Variants in NKAIN3 observed in about 807,000 individuals in gnomAD.
The protein encoded by NKAIN3 is sodium/potassium transporting ATPase interacting 3.
NKAIN3 carries 25 observed loss-of-function variants against 30.2 expected under a neutral mutation model. The observed-to-expected ratio is 0.83, with a 90% CI of 0.60 to 1.16. The LOEUF is 1.16. NKAIN3 is among the 50% of genes most tolerant of loss of function. The pLI, the probability that NKAIN3 is intolerant of heterozygous loss-of-function variation, is 0.00. For synonymous variants in NKAIN3, 91 were observed against 89.6 expected, an observed-to-expected ratio of 1.02 and a Z score of -0.09; for missense variants, 225 against 254.1, an observed-to-expected ratio of 0.89 and a Z score of 0.78.
intron 1 of NKAIN3, among the ~76,000 whole-genome samples, chr8:62,528,208 A>G (rs1202836732): frequency 6.7e-6 from 1 of 148,844 alleles, no homozygotes; most frequent in Non-Finnish European, 1.5e-5. Flanking sequence ...AAAGATAGGA[A>G]CAATAGGCAC....
chr8:62,301,203 T>C (rs1814037608), intron 1 of NKAIN3, among the ~76,000 whole-genome samples: 1 of 135,106 alleles, frequency 7.4e-6, no homozygotes, highest in South Asian at 2.1e-4. Flanking sequence ...TCACTTGAAG[T>C]AAATAGTGTA....
At chr8:62,297,820 T>C (rs1270041092) in intron 1 of NKAIN3, among the ~76,000 whole-genome samples, 2 of 152,308 alleles carry the variant, frequency 1.3e-5, no homozygotes, top group East Asian at 3.9e-4. Context: ...ATCCCATTAC[T>C]GGGTATATAC....
chr8:62,855,449 G>T, intron 4 of NKAIN3: 1 of 1,195,736 alleles, frequency 8.4e-7, no homozygotes, highest in Non-Finnish European at 1.2e-6. Flanking sequence ...CTTCATCTTG[G>T]GTCTTTTGCT....
intron 1 of NKAIN3, among the ~76,000 whole-genome samples, chr8:62,386,308 G>A (rs1016861153): frequency 6.6e-6 from 1 of 152,102 alleles, no homozygotes; most frequent in Non-Finnish European, 1.5e-5. Context: ...TCTTAGGATT[G>A]TTTTCAAAAC....
rs1824091345 is a variant in NKAIN3, at chr8:62,981,929, C to G, written c.*16522C>G. On this transcript the variant is annotated 3_prime_UTR_variant, in exon 7 of 7. Coordinates refer to ENST00000623646, the MANE Select transcript of NKAIN3 (RefSeq NM_001304533.3). ...CTTAACGATACACAGTTCGAATTAT[C>G]TAAATGAAATAATTTTCAAGCACAT... 6.6e-6 allele frequency: 1 copy of G among 152,038 alleles called. No individual in the cohort carries two copies. The highest frequency in any genetic ancestry group is 1.5e-5 in the Non-Finnish European group (1 of 67,996). The allele number at this position is 152,038 out of a possible 1,614,324, so 9.4% of individuals were successfully genotyped here.
intron 4 of NKAIN3, among the ~76,000 whole-genome samples, chr8:62,753,911 G>A (rs1816366094): frequency 6.6e-6 from 1 of 152,042 alleles, no homozygotes; most frequent in Non-Finnish European, 1.5e-5. Context: ...TCAACTTGAT[G>A]AATAGAAAGT....
chr8:62,839,351 A>G (rs1051741494), intron 4 of NKAIN3, among the ~76,000 whole-genome samples: 4 of 151,980 alleles, frequency 2.6e-5, no homozygotes, highest in Non-Finnish European at 1.5e-5. Flanking sequence ...AGAATAAAAT[A>G]GAAATCACCT....
intron 5 of NKAIN3, chr8:62,990,359 T>C (rs1256902245): frequency 1.5e-6 from 2 of 1,290,368 alleles, no homozygotes; most frequent in Non-Finnish European, 9.9e-7. Flanking sequence ...TCCTAATCTT[T>C]CTAGTGCAGT....
intron 1 of NKAIN3, among the ~76,000 whole-genome samples, chr8:62,389,321 A>G (rs1034853183): frequency 6.6e-6 from 1 of 152,220 alleles, no homozygotes; most frequent in African/African-American, 2.4e-5. Context: ...AATATCTATC[A>G]TTTATTTGTG....
intron 3 of NKAIN3, among the ~76,000 whole-genome samples, chr8:62,651,944 C>T (rs1174094053): frequency 6.6e-6 from 1 of 152,122 alleles, no homozygotes; most frequent in East Asian, 1.9e-4. Flanking sequence ...GATGCTGGTG[C>T]CATGCTTGTA....
chr8:62,298,362 C>G (rs957205863), intron 1 of NKAIN3, among the ~76,000 whole-genome samples: 9 of 152,054 alleles, frequency 5.9e-5, no homozygotes. Flanking sequence ...AAGAATACCT[C>G]TGATCTGATT....
At position 62,873,412 on chromosome 8, in the gene NKAIN3, A is replaced by G. The variant is rs948979846; in HGVS notation, c.472-45041A>G. Among the ~76,000 whole-genome samples the G allele has an allele frequency of 6.6e-5, 10 of 150,704 alleles. No homozygotes were observed. The Admixed American group carries it at 6.7e-4, about 10-fold the overall frequency. On this transcript the variant is annotated intron_variant, in intron 4 of 6. Transcript: ENST00000623646. ...TGGGAGATTTTAACACCCCACTGTC[A>G]GTATCAGACAGATCAAAGAGACAGA...
intron 4 of NKAIN3, among the ~76,000 whole-genome samples, chr8:62,850,305 T>C (rs988921022): frequency 2.7e-4 from 41 of 152,124 alleles, no homozygotes; most frequent in African/African-American, 8.9e-4. Context: ...TGGGGTTGTT[T>C]GTTTTTTTCT....
At chr8:62,323,869 G>A (rs1288797241) in intron 1 of NKAIN3, among the ~76,000 whole-genome samples, 1 of 152,060 alleles carries the variant, frequency 6.6e-6, no homozygotes, top group Non-Finnish European at 1.5e-5. Context: ...GCTACAAACT[G>A]AATAATTCCA....
intron 1 of NKAIN3, among the ~76,000 whole-genome samples, chr8:62,517,020 T>C (rs1004240405): frequency 6.6e-6 from 1 of 151,058 alleles, no homozygotes; most frequent in Non-Finnish European, 1.5e-5. Context: ...AACTATTCTC[T>C]TTTTCACCAT....
At chr8:62,433,537 C>T (rs1170433277) in intron 1 of NKAIN3, among the ~76,000 whole-genome samples, 5 of 152,094 alleles carry the variant, frequency 3.3e-5, no homozygotes, top group African/African-American at 4.8e-5. Context: ...CTCATGTCCA[C>T]TGAGACGGTT....
At chr8:62,898,838 AGG>A (rs200669367) in intron 4 of NKAIN3, among the ~76,000 whole-genome samples, 1 of 57,198 alleles carries the variant, frequency 1.7e-5, no homozygotes, top group African/African-American at 1.5e-4. Context: ...CCCTCTGTCA[AGG>A]GGTACTAACT....
At chr8:62,646,256 TAAATA>T (rs1812457672) in intron 3 of NKAIN3, among the ~76,000 whole-genome samples, 2 of 152,038 alleles carry the variant, frequency 1.3e-5, no homozygotes, top group African/African-American at 4.8e-5. Flanking sequence ...TTAAGAGGTT[TAAATA>T]AAATAAAACT....
At chr8:62,871,539 A>T (rs754152115) in intron 4 of NKAIN3, among the ~76,000 whole-genome samples, 2 of 152,210 alleles carry the variant, frequency 1.3e-5, no homozygotes, top group Admixed American at 6.5e-5. Context: ...AATATTATTA[A>T]CTGTAGTTAC....
Sources: gnomAD v4.1 joint callset for allele counts (sites outside exome capture counted in the v4.1 genomes callset) on GRCh38, gnomAD v4.1.1 for gene constraint, MANE v1.5 for transcripts, NCBI Gene and HGNC (gene_info 2026-07-23, HGNC 2026-07-21) for gene names.